EHHADH: variants seen among roughly 807,000 people sequenced by gnomAD.
The protein encoded by EHHADH is enoyl-CoA hydratase and 3-hydroxyacyl CoA dehydrogenase.
In EHHADH, 48 loss-of-function variants were observed where a neutral mutation model predicts 64.4. The observed-to-expected ratio is 0.75, with a 90% CI of 0.59 to 0.95. The LOEUF (loss-of-function observed/expected upper bound fraction) is 0.95, where lower values mean the gene tolerates loss of function less well. Among genes scored for constraint, EHHADH ranks in the 40% least tolerant of loss-of-function variants. EHHADH has a pLI of 0.00. For missense variants in EHHADH, 854 were observed against 876.6 expected, an observed-to-expected ratio of 0.97 and a Z score of 0.33; for synonymous variants, 308 against 326.7, an observed-to-expected ratio of 0.94 and a Z score of 0.62.
intron 2 of EHHADH, among the ~76,000 whole-genome samples, chr3:185,242,589 A>G (rs1259825382): frequency 6.6e-6 from 1 of 152,164 alleles, no homozygotes; most frequent in Non-Finnish European, 1.5e-5. Context: ...TTCAACTTTC[A>G]CTGGAGTCAT....
chr3:185,229,773 T>A (rs1489706662), intron 3 of EHHADH, among the ~76,000 whole-genome samples: 1 of 152,234 alleles, frequency 6.6e-6, no homozygotes, highest in Non-Finnish European at 1.5e-5. Flanking sequence ...CTTACACATT[T>A]ATTCTCTGAC....
rs769930616 is a variant in EHHADH at position 185,204,526 on chromosome 3, G to C, written c.800C>G (p.Ala267Gly). The C allele has an allele frequency of 6.2e-7, 1 of 1,614,134 alleles. No individual in the cohort carries two copies. Among genetic ancestry groups the C allele is most frequent in the Non-Finnish European group, 8.5e-7 (1 of 1,180,000 alleles). The change falls in exon 6 of 7, where the codon GCC (alanine) becomes GGC (glycine). Residue 267 changes from alanine (A) to glycine (G), a missense_variant. Transcript: ENST00000231887. ...TTCAGCGAAGAAAGCATATTGCAGG[G>C]CTCTAGCCTGCCCTGATTGCAAAAG... ...LYLLQSGQAR[A>G]LQYAFFAERK...
chr3:185,219,768 C>T (rs1718786696), intron 4 of EHHADH, among the ~76,000 whole-genome samples: 1 of 152,190 alleles, frequency 6.6e-6, no homozygotes, highest in Admixed American at 6.5e-5. Flanking sequence ...ACTGCACTTA[C>T]AGTGTTGGTG....
rs769086935 is a variant in EHHADH, at chr3:185,192,734, T to C, written c.1664A>G (p.Asn555Ser). ...LPGTPARKRG[N>S]RRYCPIPDVL... is the part of the protein sequence containing the mutation. Reference sequence around the variant, plus strand: ...ATCAGGAATTGGGCAGTACCTCCTATTACCCCTTTTTCGGGCAGGAGTTCC... The same window carrying C: ...ATCAGGAATTGGGCAGTACCTCCTACTACCCCTTTTTCGGGCAGGAGTTCC... The change falls in exon 7 of 7, where the codon AAT (asparagine) becomes AGT (serine). Residue 555 changes from asparagine (N) to serine (S), a missense_variant. Asn to Ser is a conservative substitution (Grantham distance 46, BLOSUM62 1). Coordinates refer to ENST00000231887, the MANE Select transcript of EHHADH (RefSeq NM_001966.4). The C allele has an allele frequency of 4.3e-6, 7 of 1,614,130 alleles. No homozygotes were observed. The highest frequency in any genetic ancestry group is 5.9e-6 in the Non-Finnish European group (7 of 1,180,034).
intron 6 of EHHADH, among the ~76,000 whole-genome samples, chr3:185,196,841 G>A (rs1025659264): frequency 6.6e-6 from 1 of 151,946 alleles, no homozygotes. Flanking sequence ...GTTTCTACCA[G>A]AAATGCAAAA....
intron 2 of EHHADH, among the ~76,000 whole-genome samples, chr3:185,247,182 C>T (rs952162676): frequency 1.3e-5 from 2 of 152,186 alleles, no homozygotes; most frequent in Non-Finnish European, 2.9e-5. Flanking sequence ...AATGTATATT[C>T]TCCCATTTTG....
chr3:185,219,907 A>G (rs1338536750), intron 4 of EHHADH, among the ~76,000 whole-genome samples: 6 of 152,128 alleles, frequency 3.9e-5, no homozygotes, highest in Non-Finnish European at 8.8e-5. Context: ...GAAAAGCAGT[A>G]TTTGGGCAGT....
At chr3:185,203,604 T>A (rs11914902) in intron 6 of EHHADH, among the ~76,000 whole-genome samples, 3,146 of 152,168 alleles carry the variant, frequency 0.021, 98 homozygotes, top group African/African-American at 0.073. Context: ...AGGAAGATAT[T>A]TTGTTTGGGA....
At chr3:185,201,912 A>G (rs1185722979) in intron 6 of EHHADH, among the ~76,000 whole-genome samples, 9 of 152,238 alleles carry the variant, frequency 5.9e-5, no homozygotes, top group Non-Finnish European at 1.0e-4. Context: ...TCTTGACTTG[A>G]AGGAATTGAA....
At chr3:185,209,308 AT>A (rs1718477895) in intron 5 of EHHADH, among the ~76,000 whole-genome samples, 1 of 152,180 alleles carries the variant, frequency 6.6e-6, no homozygotes, top group Non-Finnish European at 1.5e-5. Context: ...TATTTTCCAT[AT>A]GTATTATATA....
chr3:185,238,869 G>A (rs895826580), intron 2 of EHHADH, among the ~76,000 whole-genome samples: 8 of 152,058 alleles, frequency 5.3e-5, no homozygotes, highest in African/African-American at 9.7e-5. Flanking sequence ...CTAGGCCAAC[G>A]TCCAAAAGAG....
intron 4 of EHHADH, among the ~76,000 whole-genome samples, chr3:185,228,978 G>T (rs543104360): frequency 6.6e-6 from 1 of 151,954 alleles, no homozygotes; most frequent in East Asian, 2.0e-4. Context: ...TAATTTTTTT[G>T]TATTTTAATA....
chr3:185,203,076 G>A (rs1560008249), intron 6 of EHHADH, among the ~76,000 whole-genome samples: 1 of 72,830 alleles, frequency 1.4e-5, no homozygotes, highest in Non-Finnish European at 4.6e-5. Context: ...TCGTAAAGAT[G>A]GTTAAAAAAA....
At chr3:185,239,448 A>G (rs1345712920) in intron 2 of EHHADH, among the ~76,000 whole-genome samples, 2 of 152,040 alleles carry the variant, frequency 1.3e-5, no homozygotes, top group Non-Finnish European at 2.9e-5. Flanking sequence ...TGTGTCATCT[A>G]TCATTTATTT....
chr3:185,204,467 C>A lies in EHHADH; in HGVS notation c.859G>T (p.Ala287Ser). ...CGCGCTGATGCTGTTTTCCACGATG[C>A]TCCGGAGGGAGTTGACCACTTATTT... The part of the protein sequence containing the change: ...KANKWSTPSG[A>S]SWKTASARPV... Residue 287 changes from alanine (A) to serine (S), a missense_variant, in exon 6 of 7, where the codon GCA becomes TCA. Ala to Ser is a moderately conservative substitution (Grantham distance 99). Coordinates refer to ENST00000231887, the MANE Select transcript of EHHADH (RefSeq NM_001966.4). The A allele has an allele frequency of 1.2e-6, 2 of 1,613,770 alleles. No individual in the cohort carries two copies. The highest frequency in any genetic ancestry group is 1.7e-6 in the Non-Finnish European group (2 of 1,179,878).
At chr3:185,248,162 G>A (rs1021548441) in intron 2 of EHHADH, 1 of 416,160 alleles carries the variant, frequency 2.4e-6, no homozygotes, top group Non-Finnish European at 4.3e-6. Context: ...ATATCAGCAG[G>A]TGTATAACAG....
At chr3:185,221,370 A>T (rs1718828174) in intron 4 of EHHADH, among the ~76,000 whole-genome samples, 1 of 152,150 alleles carries the variant, frequency 6.6e-6, no homozygotes, top group African/African-American at 2.4e-5. Flanking sequence ...TGAATTTGAC[A>T]TTACATACTT....
intron 2 of EHHADH, among the ~76,000 whole-genome samples, chr3:185,240,654 T>G (rs1481366226): frequency 6.6e-6 from 1 of 152,108 alleles, no homozygotes; most frequent in African/African-American, 2.4e-5. Context: ...TATTTGAAAC[T>G]TCTCTCTTTT....
intron 4 of EHHADH, among the ~76,000 whole-genome samples, chr3:185,222,653 G>A (rs1718866611): frequency 6.6e-6 from 1 of 152,106 alleles, no homozygotes; most frequent in African/African-American, 2.4e-5. Flanking sequence ...GCATATTACA[G>A]TCTCTGGAAA....
Sources: gnomAD v4.1 joint callset for allele counts (sites outside exome capture counted in the v4.1 genomes callset) on GRCh38, gnomAD v4.1.1 for gene constraint, MANE v1.5 for transcripts, NCBI Gene and HGNC (gene_info 2026-07-23, HGNC 2026-07-21) for gene names.